PARD3B: variants seen among roughly 807,000 people sequenced by gnomAD.
PARD3B encodes the protein par-3 family cell polarity regulator beta.
In PARD3B, 103 loss-of-function variants were observed where a neutral mutation model predicts 130.2. That is an observed-to-expected ratio of 0.79 (90% CI 0.67 to 0.93). The LOEUF is 0.93. Among genes scored for constraint, PARD3B ranks in the 40% least tolerant of loss-of-function variants. The pLI is 0.00. For synonymous variants in PARD3B, 583 were observed against 553.2 expected (o/e 1.05, Z -0.76); for missense variants, 1,609 against 1,499.2 (o/e 1.07, Z -1.21).
Position 205,592,964 on chromosome 2 carries a change from G to A in PARD3B, c.3261-22492G>A, listed in dbSNP as rs1419020614. On this transcript the variant is annotated intron_variant, in intron 22 of 22. Coordinates refer to ENST00000406610, the MANE Select transcript of PARD3B (RefSeq NM_001302769.2). This position sits in a 1 kb window ranked among gnomAD's most constrained non-coding sequence, Gnocchi z 4.5. ...TGTCTTTCATCTCATTGCCCAGCTA[G>A]GTGCAACCTGGATAGACATTGTGGC... Among the ~76,000 whole-genome samples the A allele has an allele frequency of 6.6e-6, 1 of 152,214 alleles. No homozygotes were observed. Among genetic ancestry groups the A allele is most frequent in the Non-Finnish European group, 1.5e-5 (1 of 68,036 alleles).
At chr2:204,774,647 C>T (rs910361059) in intron 2 of PARD3B, among the ~76,000 whole-genome samples, 3 of 152,116 alleles carry the variant, frequency 2.0e-5, no homozygotes, top group South Asian at 2.1e-4. Context: ...TTGCTCTTCT[C>T]ATCAGATATG....
intron 1 of PARD3B, among the ~76,000 whole-genome samples, chr2:204,591,680 C>T (rs748245553): frequency 7.2e-5 from 11 of 152,166 alleles, no homozygotes; most frequent in Non-Finnish European, 1.6e-4. Flanking sequence ...AAGTGTCAGA[C>T]TGGGGAAGGA....
chr2:205,310,053 C>T (rs1272653422), intron 18 of PARD3B, among the ~76,000 whole-genome samples: 4 of 147,932 alleles, frequency 2.7e-5, no homozygotes, highest in East Asian at 3.9e-4. Flanking sequence ...ATACTTATTT[C>T]TTTCATGGTG....
chr2:204,898,352 G>GATT (rs1165738481), intron 2 of PARD3B, among the ~76,000 whole-genome samples: 1 of 151,368 alleles, frequency 6.6e-6, no homozygotes, highest in Non-Finnish European at 1.5e-5. Flanking sequence ...AATTATTGTT[G>GATT]ATTATAGTCC....
intron 10 of PARD3B, among the ~76,000 whole-genome samples, chr2:205,151,102 T>G (rs1172470357): frequency 6.6e-6 from 1 of 152,224 alleles, no homozygotes; most frequent in Non-Finnish European, 1.5e-5. Context: ...AACACCATGC[T>G]GTACTCCATA....
At chr2:205,075,961 GA>G (rs1248789796) in intron 4 of PARD3B, among the ~76,000 whole-genome samples, 1 of 151,848 alleles carries the variant, frequency 6.6e-6, no homozygotes, top group Non-Finnish European at 1.5e-5. Flanking sequence ...TTAAAGCTAT[GA>G]AATTATATAT....
In PARD3B at chr2:204,942,219, T is replaced by C. The variant is rs534643439; in HGVS notation, c.223-22933T>C. On this transcript the variant is annotated intron_variant, in intron 2 of 22. Transcript: ENST00000406610. ...TAACTAAGACTAAAGGCCTTTTTTC[T>C]TGTTGGTTAAAGTTAAAACTGACTA... is the stretch of plus-strand genomic sequence containing the variant. Among the ~76,000 whole-genome samples, 5 of 152,314 alleles carry C rather than the reference T, an allele frequency of 3.3e-5. No homozygotes were observed. In the South Asian group the frequency reaches 1.0e-3, roughly 32 times the overall value.
At chr2:205,410,496 GTAA>G (rs1230663834) in intron 19 of PARD3B, among the ~76,000 whole-genome samples, 3 of 152,148 alleles carry the variant, frequency 2.0e-5, no homozygotes, top group Admixed American at 2.0e-4. Context: ...AAATAAAATG[GTAA>G]TAATAATACT....
intron 18 of PARD3B, among the ~76,000 whole-genome samples, chr2:205,377,511 C>T (rs1367375119): frequency 6.6e-6 from 1 of 152,016 alleles, no homozygotes; most frequent in East Asian, 1.9e-4. Context: ...AGGGAAAGAA[C>T]CAGCACCCAG....
intron 1 of PARD3B, among the ~76,000 whole-genome samples, chr2:204,559,536 C>A (rs2031163893): frequency 6.6e-6 from 1 of 152,150 alleles, no homozygotes; most frequent in Non-Finnish European, 1.5e-5. Context: ...AGTCAGGAAA[C>A]AACAGATGCT....
chr2:205,277,151 G>T (rs1004205127), intron 16 of PARD3B, among the ~76,000 whole-genome samples: 15 of 152,194 alleles, frequency 9.9e-5, no homozygotes, highest in Admixed American at 9.8e-4. Flanking sequence ...TATTCACTCT[G>T]CTGGCCGTTG....
At chr2:204,733,042 G>A (rs1017511090) in intron 2 of PARD3B, among the ~76,000 whole-genome samples, 1 of 152,004 alleles carries the variant, frequency 6.6e-6, no homozygotes, top group East Asian at 1.9e-4. Context: ...TACAAGGTGA[G>A]CCTGATGAAT....
intron 20 of PARD3B, among the ~76,000 whole-genome samples, chr2:205,481,856 C>T (rs2049248936): frequency 6.6e-6 from 1 of 152,116 alleles, no homozygotes; most frequent in Non-Finnish European, 1.5e-5. Context: ...CACAGAGAAA[C>T]AATTACGAGT....
chr2:205,154,420 G>C (rs1217060243), intron 10 of PARD3B, among the ~76,000 whole-genome samples: 1 of 152,196 alleles, frequency 6.6e-6, no homozygotes, highest in East Asian at 1.9e-4. Context: ...AGGATGTGGA[G>C]AAATAGGGAC....
chr2:205,581,739 T>C (rs1029824135), intron 22 of PARD3B, among the ~76,000 whole-genome samples: 7 of 152,040 alleles, frequency 4.6e-5, no homozygotes, highest in African/African-American at 1.7e-4. Flanking sequence ...ATACATCTAC[T>C]AGTAAAAACT....
At chr2:205,019,200 A>G (rs766242886) in intron 3 of PARD3B, among the ~76,000 whole-genome samples, 19 of 152,138 alleles carry the variant, frequency 1.2e-4, no homozygotes, top group Non-Finnish European at 2.2e-4. Flanking sequence ...AGATTTGCCT[A>G]ATATGAACAT....
At chr2:204,693,032 C>T (rs962975052) in intron 2 of PARD3B, among the ~76,000 whole-genome samples, 2 of 152,076 alleles carry the variant, frequency 1.3e-5, no homozygotes, top group Non-Finnish European at 2.9e-5. Flanking sequence ...TTGAAGTTGG[C>T]TTCCTCCATT....
chr2:205,527,339 G>C (rs1364378440), intron 21 of PARD3B, among the ~76,000 whole-genome samples: 1 of 152,098 alleles, frequency 6.6e-6, no homozygotes, highest in Admixed American at 6.5e-5. Flanking sequence ...AATAGAAAAA[G>C]TCATTTTTTT....
At chr2:204,702,213 T>C (rs2037928177) in intron 2 of PARD3B, among the ~76,000 whole-genome samples, 1 of 152,192 alleles carries the variant, frequency 6.6e-6, no homozygotes, top group Non-Finnish European at 1.5e-5. Flanking sequence ...CATGTGAGTT[T>C]ATGTGTCTTT....
Sources: allele counts gnomAD v4.1 joint callset (sites outside exome capture counted in the v4.1 genomes callset), GRCh38; gene constraint gnomAD v4.1.1; non-coding constraint Gnocchi (gnomAD v3.1); transcripts MANE v1.5; gene names NCBI Gene and HGNC (gene_info 2026-07-23, HGNC 2026-07-21).